Variants in SLC4A4 observed in about 807,000 individuals in gnomAD.
The protein encoded by SLC4A4 is electrogenic sodium bicarbonate cotransporter 1.
SLC4A4 carries 27 observed loss-of-function variants against 111.5 expected under a neutral mutation model. The observed-to-expected ratio is 0.24, with a 90% CI of 0.18 to 0.33. SLC4A4 has a LOEUF of 0.33. SLC4A4 is among the 10% of genes least tolerant of loss of function. The pLI, the probability that SLC4A4 is intolerant of heterozygous loss-of-function variation, is 1.00. For synonymous variants in SLC4A4, 443 were observed against 463.4 expected (o/e 0.96, Z 0.57); for missense variants, 909 against 1,315.5 (o/e 0.69, Z 4.78).
At chr4:71,121,694 AATGG>A (rs1743433590) in intron 2 of SLC4A4, among the ~76,000 whole-genome samples, 1 of 152,084 alleles carries the variant, frequency 6.6e-6, no homozygotes, top group Non-Finnish European at 1.5e-5. Context: ...CTCTCTGTAA[AATGG>A]ACCAATCAGC....
At chr4:71,381,175 G>C (rs6813791) in intron 6 of SLC4A4, among the ~76,000 whole-genome samples, 3,414 of 152,240 alleles carry the variant, frequency 0.022, 120 homozygotes, top group East Asian at 0.14. Context: ...TCCTTTTCGA[G>C]GATGAAGAAC....
At chr4:71,099,878 A>G (rs1742671653) in intron 2 of SLC4A4, among the ~76,000 whole-genome samples, 1 of 152,166 alleles carries the variant, frequency 6.6e-6, no homozygotes, top group Admixed American at 6.6e-5. Flanking sequence ...TCCTGGCTAC[A>G]TATATCCTCC....
At chr4:71,522,086 C>T (rs1177484409) in intron 16 of SLC4A4, among the ~76,000 whole-genome samples, 1 of 152,116 alleles carries the variant, frequency 6.6e-6, no homozygotes, top group Admixed American at 6.6e-5. Flanking sequence ...TCTACAGAGC[C>T]CTAATGCTCA....
chr4:71,442,604 G>T (rs977503617), intron 8 of SLC4A4, among the ~76,000 whole-genome samples: 1 of 152,256 alleles, frequency 6.6e-6, no homozygotes, highest in Non-Finnish European at 1.5e-5. Context: ...GGTAGGCATG[G>T]TGAAGGACTG....
intron 3 of SLC4A4, among the ~76,000 whole-genome samples, chr4:71,330,729 C>T (rs1283808579): frequency 5.9e-5 from 9 of 152,064 alleles, no homozygotes; most frequent in Admixed American, 4.6e-4. Flanking sequence ...CCAAAATTGA[C>T]AAATGGGATG....
chr4:71,529,123 T>C (rs1733699318), intron 16 of SLC4A4, among the ~76,000 whole-genome samples: 1 of 152,052 alleles, frequency 6.6e-6, no homozygotes, highest in African/African-American at 2.4e-5. Context: ...TTTGGAACAA[T>C]AGCAACACCA....
At chr4:71,534,641 C>T (rs936966146) in intron 18 of SLC4A4, among the ~76,000 whole-genome samples, 1 of 150,824 alleles carries the variant, frequency 6.6e-6, no homozygotes, top group Admixed American at 6.6e-5. Context: ...AGAATACAAA[C>T]ATAATTTACT....
At chr4:71,350,461 T>C (rs1045758802) in intron 5 of SLC4A4, among the ~76,000 whole-genome samples, 4 of 152,086 alleles carry the variant, frequency 2.6e-5, no homozygotes, top group Non-Finnish European at 5.9e-5. Flanking sequence ...CACTGCAACC[T>C]CTGCCTCCTG....
intron 3 of SLC4A4, among the ~76,000 whole-genome samples, chr4:71,295,668 C>CT (rs964885304): frequency 6.7e-6 from 1 of 148,216 alleles, no homozygotes; most frequent in Non-Finnish European, 1.5e-5. Context: ...TTCTTTCTTT[C>CT]TTTTTTTTTA....
intron 1 of SLC4A4, among the ~76,000 whole-genome samples, chr4:71,071,533 A>G (rs114562678): frequency 0.017 from 2,559 of 152,336 alleles, 65 homozygotes; most frequent in African/African-American, 0.058. Context: ...ATAAATGAAT[A>G]TAATTGAAAA....
intron 20 of SLC4A4, among the ~76,000 whole-genome samples, chr4:71,554,761 A>G (rs1029761907): frequency 6.6e-6 from 1 of 151,834 alleles, no homozygotes; most frequent in Non-Finnish European, 1.5e-5. Context: ...TGAGGCAACC[A>G]TCTATTAATA....
chr4:71,458,232 G>A (rs892092258), intron 12 of SLC4A4, among the ~76,000 whole-genome samples: 2 of 151,976 alleles, frequency 1.3e-5, no homozygotes, highest in Non-Finnish European at 2.9e-5. Context: ...CTGTCTGAAT[G>A]GAACCTATGC....
At chr4:71,458,851 T>G (rs1246233922) in intron 12 of SLC4A4, among the ~76,000 whole-genome samples, 2 of 152,072 alleles carry the variant, frequency 1.3e-5, no homozygotes, top group African/African-American at 2.4e-5. Flanking sequence ...AGCTGAGTGT[T>G]GTACTTTGGC....
At chr4:71,366,814 A>T (rs1047869768) in intron 6 of SLC4A4, among the ~76,000 whole-genome samples, 2 of 152,236 alleles carry the variant, frequency 1.3e-5, no homozygotes, top group African/African-American at 4.8e-5. Flanking sequence ...AAAAAGCAAC[A>T]TGAAAGGGTT....
chr4:71,224,064 G>T (rs879032768), intron 1 of SLC4A4, among the ~76,000 whole-genome samples: 1 of 151,986 alleles, frequency 6.6e-6, no homozygotes, highest in Non-Finnish European at 1.5e-5. Context: ...TTAGGAATGC[G>T]GGCTCTCACA....
chr4:71,098,962 G>T (rs747200370), intron 2 of SLC4A4, among the ~76,000 whole-genome samples: 10 of 152,122 alleles, frequency 6.6e-5, no homozygotes, highest in African/African-American at 2.4e-4. Context: ...TATAAAGCAA[G>T]TTCTTGGAGA....
At chr4:71,227,722 G>A (rs1487235291) in intron 1 of SLC4A4, among the ~76,000 whole-genome samples, 1 of 152,156 alleles carries the variant, frequency 6.6e-6, no homozygotes, top group Non-Finnish European at 1.5e-5. Flanking sequence ...GCCATCCTCT[G>A]TGCTGGTGTG....
upstream of SLC4A4, among the ~76,000 whole-genome samples, chr4:71,185,433 A>C (rs1297059520): frequency 6.6e-6 from 1 of 152,196 alleles, no homozygotes; most frequent in Non-Finnish European, 1.5e-5. Flanking sequence ...GAAAACTTTA[A>C]AGCTAAATTT....
chr4:71,381,003 G>T (rs1486358463), intron 6 of SLC4A4, among the ~76,000 whole-genome samples: 2 of 152,156 alleles, frequency 1.3e-5, no homozygotes, highest in African/African-American at 4.8e-5. Context: ...TGTTTTCTGA[G>T]ACCCATTCTT....
Sources: gnomAD v4.1 joint callset for allele counts (sites outside exome capture counted in the v4.1 genomes callset) on GRCh38, gnomAD v4.1.1 for gene constraint, MANE v1.5 for transcripts, NCBI Gene and HGNC (gene_info 2026-07-23, HGNC 2026-07-21) for gene names.